Variants in MACROD2 observed in about 807,000 individuals in gnomAD.
The protein encoded by MACROD2 is ADP-ribose glycohydrolase MACROD2.
MACROD2 carries 36 observed loss-of-function variants against 70.4 expected under a neutral mutation model. The ratio of observed to expected loss-of-function variants is 0.51; its 90% CI spans 0.39 to 0.68. MACROD2 has a LOEUF of 0.68. Among genes scored for constraint, MACROD2 ranks in the 30% least tolerant of loss-of-function variants. The probability of loss-of-function intolerance (pLI) is 0.00; values close to 1 mark genes in which losing one functional copy is unlikely to be tolerated. For synonymous variants in MACROD2, 172 were observed against 178.8 expected (o/e 0.96, Z 0.30); for missense variants, 496 against 538.4 (o/e 0.92, Z 0.78).
intron 4 of MACROD2, among the ~76,000 whole-genome samples, chr20:14,607,781 T>C (rs1982900287): frequency 6.6e-6 from 1 of 152,146 alleles, no homozygotes; most frequent in African/African-American, 2.4e-5. Context: ...CACAATAAAT[T>C]CCATGCCATC....
At chr20:15,713,536 GGAGAGAGA>G (rs34377128) in intron 8 of MACROD2, among the ~76,000 whole-genome samples, 4 of 150,362 alleles carry the variant, frequency 2.7e-5, no homozygotes, top group African/African-American at 9.8e-5. Flanking sequence ...CTCGATGGCA[GGAGAGAGA>G]GAGAGAGAGA....
intron 3 of MACROD2, among the ~76,000 whole-genome samples, chr20:14,322,175 A>AATAAATATATATATATATATATATAT (rs2082667226): frequency 1.5e-5 from 1 of 66,374 alleles, no homozygotes; most frequent in Non-Finnish European, 3.5e-5. Context: ...ATTCTATTGA[A>AATAAATATATATATATATATATATAT]ATATATATAT....
chr20:14,916,929 C>T (rs1456024968), intron 5 of MACROD2, among the ~76,000 whole-genome samples: 2 of 151,748 alleles, frequency 1.3e-5, no homozygotes, highest in Admixed American at 1.3e-4. Context: ...ATTTTATTTC[C>T]AAGGAAGAGA....
chr20:14,517,756 T>C (rs988057688), intron 4 of MACROD2, among the ~76,000 whole-genome samples: 37 of 152,292 alleles, frequency 2.4e-4, no homozygotes, highest in African/African-American at 8.7e-4. Flanking sequence ...ATGTATGCCA[T>C]TTATCAGTGC....
chr20:14,904,677 C>T (rs1356200644), intron 5 of MACROD2, among the ~76,000 whole-genome samples: 5 of 152,096 alleles, frequency 3.3e-5, no homozygotes, highest in Admixed American at 3.3e-4. Flanking sequence ...AAGCAAATTA[C>T]TCAACCTCAT....
intron 3 of MACROD2, among the ~76,000 whole-genome samples, chr20:14,221,249 G>A (rs2081671240): frequency 6.6e-6 from 1 of 152,146 alleles, no homozygotes; most frequent in South Asian, 2.1e-4. Context: ...GAATGAGAGA[G>A]TCTTGAGTCT....
intron 8 of MACROD2, among the ~76,000 whole-genome samples, chr20:15,851,028 C>G (rs1483144042): frequency 1.3e-5 from 2 of 151,862 alleles, no homozygotes; most frequent in African/African-American, 4.8e-5. Flanking sequence ...TGCTGCCACT[C>G]AGAACGTTGG....
chr20:14,302,785 T>C (rs1351300776), intron 3 of MACROD2, among the ~76,000 whole-genome samples: 1 of 151,928 alleles, frequency 6.6e-6, no homozygotes, highest in Non-Finnish European at 1.5e-5. Flanking sequence ...CTTGAGTAGC[T>C]GGGATTACAG....
At chr20:15,428,212 A>G (rs1196811581) in intron 6 of MACROD2, among the ~76,000 whole-genome samples, 2 of 152,240 alleles carry the variant, frequency 1.3e-5, no homozygotes, top group Admixed American at 1.3e-4. Context: ...TTACTAAAGA[A>G]AAAAGCAGTG....
At chr20:14,527,757 C>T (rs1416760496) in intron 4 of MACROD2, among the ~76,000 whole-genome samples, 3 of 152,100 alleles carry the variant, frequency 2.0e-5, no homozygotes, top group African/African-American at 7.2e-5. Flanking sequence ...TAGACACATG[C>T]CAGAATGTCT....
At chr20:15,980,090 G>A (rs1040043639) in intron 13 of MACROD2, among the ~76,000 whole-genome samples, 2 of 152,208 alleles carry the variant, frequency 1.3e-5, no homozygotes, top group African/African-American at 4.8e-5. Flanking sequence ...TGCATGCACC[G>A]GTGGTCAGAG....
At chr20:15,313,260 A>G (rs977859508) in intron 6 of MACROD2, among the ~76,000 whole-genome samples, 6 of 152,112 alleles carry the variant, frequency 3.9e-5, no homozygotes, top group African/African-American at 1.4e-4. Context: ...TAATCCCAGC[A>G]CTTTGGGAGG....
intron 3 of MACROD2, among the ~76,000 whole-genome samples, chr20:14,263,620 G>A (rs1299655842): frequency 6.6e-6 from 1 of 152,114 alleles, no homozygotes; most frequent in East Asian, 1.9e-4. Context: ...ACAGGCCCAT[G>A]ACTATTATAA....
intron 5 of MACROD2, among the ~76,000 whole-genome samples, chr20:15,071,119 G>A (rs2075616187): frequency 6.6e-6 from 1 of 152,084 alleles, no homozygotes; most frequent in African/African-American, 2.4e-5. Flanking sequence ...ATATACAATG[G>A]AATTTAAATA....
intron 7 of MACROD2, among the ~76,000 whole-genome samples, chr20:15,495,329 A>G (rs914873695): frequency 2.6e-5 from 4 of 152,198 alleles, no homozygotes; most frequent in Non-Finnish European, 5.9e-5. Flanking sequence ...TTTACCTTGT[A>G]TATCCATGTC....
At chr20:15,307,932 A>G (rs1448718305) in intron 6 of MACROD2, among the ~76,000 whole-genome samples, 4 of 142,388 alleles carry the variant, frequency 2.8e-5, no homozygotes, top group African/African-American at 1.1e-4. Flanking sequence ...ATCTTAGGAT[A>G]TCCCTAATTT....
intron 15 of MACROD2, among the ~76,000 whole-genome samples, chr20:16,023,675 G>A (rs708980): frequency 0.23 from 34,335 of 151,672 alleles, 3,970 homozygotes; most frequent in South Asian, 0.31. Context: ...TTAGCAGTTG[G>A]GACTCAATCC....
intron 8 of MACROD2, among the ~76,000 whole-genome samples, chr20:15,657,687 TAACA>T (rs1278154857): frequency 2.0e-5 from 3 of 152,178 alleles, no homozygotes; most frequent in East Asian, 3.8e-4. Flanking sequence ...AGGCTCTATT[TAACA>T]GTCTTAATAA....
intron 12 of MACROD2, among the ~76,000 whole-genome samples, chr20:15,942,906 A>G (rs1281516407): frequency 6.6e-6 from 1 of 152,220 alleles, no homozygotes. Flanking sequence ...AGACCAAATC[A>G]TATGCTCATT....
Sources: allele counts gnomAD v4.1 joint callset (sites outside exome capture counted in the v4.1 genomes callset), GRCh38; gene constraint gnomAD v4.1.1; transcripts MANE v1.5; gene names NCBI Gene and HGNC (gene_info 2026-07-23, HGNC 2026-07-21).